The following CDS1 variants were observed in gnomAD, a reference collection of about 807,000 sequenced individuals.
The protein encoded by CDS1 is CDP-diacylglycerol synthase 1.
In CDS1, 41 loss-of-function variants were observed where a neutral mutation model predicts 62.1. The observed-to-expected ratio is 0.66, with a 90% confidence interval of 0.51 to 0.86. CDS1 has a LOEUF of 0.86. Among genes scored for constraint, CDS1 ranks in the 40% least tolerant of loss-of-function variants. CDS1 has a pLI of 0.00. For missense variants in CDS1, 470 were observed against 550.1 expected (o/e 0.85, Z 1.46); for synonymous variants, 185 against 192.6 (o/e 0.96, Z 0.32).
chr4:84,644,150 A>G (rs1015622955), intron 11 of CDS1, among the ~76,000 whole-genome samples: 1 of 152,168 alleles, frequency 6.6e-6, no homozygotes, highest in East Asian at 1.9e-4. Flanking sequence ...GAACTCAGCG[A>G]GCATTTGCCA....
chr4:84,594,353 C>T (rs1722684620), intron 1 of CDS1, among the ~76,000 whole-genome samples: 1 of 152,108 alleles, frequency 6.6e-6, no homozygotes. Flanking sequence ...TAAAGGCTGT[C>T]TTGTTATGCG....
chr4:84,639,928 A>G (rs1161302170), intron 9 of CDS1, among the ~76,000 whole-genome samples: 1 of 151,934 alleles, frequency 6.6e-6, no homozygotes, highest in Admixed American at 6.6e-5. Flanking sequence ...ATCCAATCTC[A>G]TCCAATGTTT....
chr4:84,635,642 C>CCTTCCTTCCTTG, intron 8 of CDS1, among the ~76,000 whole-genome samples: 2 of 107,508 alleles, frequency 1.9e-5, no homozygotes, highest in Non-Finnish European at 3.8e-5. Context: ...TTCCTTCCTT[C>CCTTCCTTCCTTG]CTTCCTTCCT....
chr4:84,629,365 A>C (rs1723952021), intron 5 of CDS1, among the ~76,000 whole-genome samples: 1 of 151,934 alleles, frequency 6.6e-6, no homozygotes, highest in African/African-American at 2.4e-5. Flanking sequence ...CTGAAAAAAA[A>C]AAAAAAACCA....
At chr4:84,620,226 T>G (rs1299571360) in intron 5 of CDS1, among the ~76,000 whole-genome samples, 2 of 141,054 alleles carry the variant, frequency 1.4e-5, no homozygotes, top group Middle Eastern at 7.1e-3. Flanking sequence ...GTTGTTTTTT[T>G]TTTTTTTTTT....
At chr4:84,620,023 T>TAA (rs34828724) in intron 5 of CDS1, among the ~76,000 whole-genome samples, 2 of 121,390 alleles carry the variant, frequency 1.6e-5, no homozygotes, top group Admixed American at 8.5e-5. Flanking sequence ...AACTCTTATC[T>TAA]AAAAAAAAAA....
chr4:84,642,227 G>A (rs1724407378), intron 10 of CDS1, among the ~76,000 whole-genome samples: 1 of 151,884 alleles, frequency 6.6e-6, no homozygotes, highest in South Asian at 2.1e-4. Flanking sequence ...TTGGGAAGCT[G>A]AGGCAGGAGA....
intron 1 of CDS1, among the ~76,000 whole-genome samples, chr4:84,599,923 G>T (rs1722885137): frequency 6.6e-6 from 1 of 152,012 alleles, no homozygotes; most frequent in South Asian, 2.1e-4. Context: ...TGGGTCAGTT[G>T]TTGGTTGTAT....
rs576702004 is a variant in CDS1, at chr4:84,648,758, G to A, written c.*72G>A. 33 of 1,462,970 alleles carry A rather than the reference G, an allele frequency of 2.3e-5. No homozygotes were observed. The African/African-American group carries it at 3.0e-4, about 13-fold the overall frequency. The allele number at this position is 1,462,970 out of a possible 1,614,324, so 90.6% of individuals were successfully genotyped here. A position where few individuals can be genotyped will look rare whatever the true frequency, so the allele number is the denominator to read the frequency against. On this transcript the variant is annotated 3_prime_UTR_variant, in exon 13 of 13. Coordinates refer to ENST00000295887, the MANE Select transcript of CDS1 (RefSeq NM_001263.4). ...AACACTGACAGATGTTTTATAAATT[G>A]TACAGAAAAATAGTTAAAAATGCAA...
intron 1 of CDS1, among the ~76,000 whole-genome samples, chr4:84,592,139 T>A (rs1167829129): frequency 6.6e-6 from 1 of 150,970 alleles, no homozygotes; most frequent in African/African-American, 2.4e-5. Flanking sequence ...GAGGAAGTAA[T>A]TTCATTAATG....
At chr4:84,598,511 A>G (rs1193028162) in intron 1 of CDS1, among the ~76,000 whole-genome samples, 1 of 151,920 alleles carries the variant, frequency 6.6e-6, no homozygotes, top group African/African-American at 2.4e-5. Context: ...GGCCAGTTGT[A>G]AAAGAGATGA....
chr4:84,628,555 T>A (rs948676378), intron 5 of CDS1, among the ~76,000 whole-genome samples: 1 of 152,186 alleles, frequency 6.6e-6, no homozygotes, highest in African/African-American at 2.4e-5. Context: ...TTTAAAGAGA[T>A]GGTGACTTGC....
chr4:84,637,564 T>G (rs568642977), intron 8 of CDS1, among the ~76,000 whole-genome samples: 5 of 152,208 alleles, frequency 3.3e-5, no homozygotes, highest in African/African-American at 1.2e-4. Context: ...CCTGACCCAG[T>G]CACTTCCCAC....
chr4:84,605,988 AT>A (rs1723081465), intron 2 of CDS1, among the ~76,000 whole-genome samples: 1 of 152,142 alleles, frequency 6.6e-6, no homozygotes, highest in Admixed American at 6.5e-5. Flanking sequence ...TATCTATGCT[AT>A]TTATGAGTGA....
chr4:84,583,191 G>T lies in CDS1; in HGVS notation c.-211G>T. The T allele has an allele frequency of 2.1e-6, 1 of 479,304 alleles. No individual in the cohort carries two copies. 29.7% of individuals were successfully genotyped at this position (479,304 alleles called of 1,614,324 possible). ...GACCTCCGCCGGAGCCGCGCTCGCT[G>T]CAGGCGGCCTCGAGCGCTCTCTCGT... On this transcript the variant is annotated 5_prime_UTR_variant, in exon 1 of 13. Coordinates refer to ENST00000295887, the MANE Select transcript of CDS1 (RefSeq NM_001263.4).
chr4:84,638,871 T>C, intron 8 of CDS1, 53 bp from the exon 9 acceptor site: 1 of 498,352 alleles, frequency 2.0e-6, no homozygotes, highest in Non-Finnish European at 3.5e-6. Flanking sequence ...ATATATATAT[T>C]GTGAGTTTTG....
chr4:84,635,113 T>C, intron 7 of CDS1, 151 bp from the exon 8 acceptor site: 1 of 518,512 alleles, frequency 1.9e-6, no homozygotes, highest in Non-Finnish European at 3.3e-6. Flanking sequence ...TCATTTCTAC[T>C]GTTTTGGCAA....
At chr4:84,635,193 C>G in intron 7 of CDS1, 71 bp from the exon 8 acceptor site, 1 of 749,274 alleles carries the variant, frequency 1.3e-6, no homozygotes. Flanking sequence ...GAATCATAAC[C>G]TTTCCGAATA....
Position 84,643,102 on chromosome 4 carries a change from G to T in CDS1, c.1111G>T (p.Gly371Cys), listed in dbSNP as rs772128748. ...TFASLIGPFG[G>C]FFASGFKRAF... ...TGCATCTTTAATTGGCCCATTTGGA[G>T]GCTTCTTTGCTAGTGGATTCAAAAG... is the stretch of plus-strand genomic sequence containing the variant. The change falls in exon 11 of 13, where the codon GGC becomes TGC. Residue 371 changes from glycine (G) to cysteine (C), a missense_variant. Transcript: ENST00000295887. 1.9e-6 allele frequency: 3 copies of T among 1,613,264 alleles called. No individual in the cohort carries two copies. The Middle Eastern group carries it at 5.0e-4, about 266-fold the overall frequency.
Sources: gnomAD v4.1 joint callset for allele counts (sites outside exome capture counted in the v4.1 genomes callset) on GRCh38, gnomAD v4.1.1 for gene constraint, MANE v1.5 for transcripts, NCBI Gene and HGNC (gene_info 2026-07-23, HGNC 2026-07-21) for gene names.